CD163L1: variants seen among roughly 807,000 people sequenced by gnomAD.
CD163L1 encodes the protein CD163 molecule like 1.
Under a neutral mutation model 165.4 loss-of-function variants are expected in CD163L1, and 124 were observed. That is an observed-to-expected ratio of 0.75 (90% CI 0.65 to 0.87). The LOEUF is 0.87. Among genes scored for constraint, CD163L1 ranks in the 40% least tolerant of loss-of-function variants. The pLI, the probability that CD163L1 is intolerant of heterozygous loss-of-function variation, is 0.00. For missense variants in CD163L1, 1,525 were observed against 1,799.9 expected (o/e 0.85, Z 2.76); for synonymous variants, 585 against 662.2 (o/e 0.88, Z 1.79).
intron 4 of CD163L1, among the ~76,000 whole-genome samples, chr12:7,419,899 G>A (rs769243680): frequency 6.6e-6 from 1 of 152,094 alleles, no homozygotes; most frequent in Non-Finnish European, 1.5e-5. Context: ...AGCATGTATA[G>A]CCAAAGCAAG....
chr12:7,342,309 T>C (rs1327617155), downstream of CD163L1, among the ~76,000 whole-genome samples: 13 of 152,226 alleles, frequency 8.5e-5, no homozygotes, highest in East Asian at 2.5e-3. Flanking sequence ...AACAATAGCA[T>C]GAACATCTGT....
chr12:7,441,683 G>A (rs1948833123), intron 1 of CD163L1, among the ~76,000 whole-genome samples: 1 of 152,076 alleles, frequency 6.6e-6, no homozygotes, highest in African/African-American at 2.4e-5. Context: ...ACCCGATCTT[G>A]TGCTTCATTA....
intron 4 of CD163L1, among the ~76,000 whole-genome samples, chr12:7,429,060 T>C (rs1400130495): frequency 6.6e-6 from 1 of 152,072 alleles, no homozygotes; most frequent in African/African-American, 2.4e-5. Flanking sequence ...AAGATATGTG[T>C]AGCAAAGTTT....
chr12:7,382,032 G>A (rs1288307372), intron 8 of CD163L1, among the ~76,000 whole-genome samples: 1 of 147,278 alleles, frequency 6.8e-6, no homozygotes, highest in Non-Finnish European at 1.5e-5. Flanking sequence ...ATATAGAATT[G>A]TTTATATATA....
chr12:7,364,547 C>T (rs73059734), intron 18 of CD163L1, among the ~76,000 whole-genome samples: 5,133 of 152,164 alleles, frequency 0.034, 127 homozygotes, highest in Non-Finnish European at 0.044. Flanking sequence ...AATCTAAAGA[C>T]TCCACCAGAA....
In CD163L1 at chr12:7,373,484, T is replaced by C; in HGVS notation, c.3566A>G (p.Asn1189Ser). ...IVCRQLGCGENGVVSLAPLSK... is the reference protein window; with the variant it reads ...IVCRQLGCGESGVVSLAPLSK... Reference sequence around the variant, plus strand: ...TAAAGGGGCGAGGCTGACAACTCCATTCTCCCCACAGCCCAGCTGCCTGCA... The same window carrying C: ...TAAAGGGGCGAGGCTGACAACTCCACTCTCCCCACAGCCCAGCTGCCTGCA... The change falls in exon 14 of 20, where the codon AAT (asparagine) becomes AGT (serine). Residue 1189 changes from asparagine to serine, a missense_variant. Physicochemically the swap from Asn to Ser is conservative, Grantham distance 46. Coordinates refer to ENST00000313599, the MANE Select transcript of CD163L1 (RefSeq NM_174941.6). The C allele has an allele frequency of 1.2e-6, 2 of 1,614,216 alleles. No individual in the cohort carries two copies. The highest frequency in any genetic ancestry group is 1.7e-6 in the Non-Finnish European group (2 of 1,180,032).
chr12:7,441,169 G>A lies in CD163L1; in HGVS notation c.109C>T (p.Leu37Phe). The A allele has an allele frequency of 6.2e-7, 1 of 1,613,740 alleles. No homozygotes were observed. The highest frequency in any genetic ancestry group is 8.5e-7 in the Non-Finnish European group (1 of 1,179,670). ...TCILLLNSCF[L>F]ISSFNGTDLE... is the part of the protein sequence containing the mutation. ...CAGAACTCACTAAAACTGCTGATGA[G>A]AAAGCAGGAATTCAGGAGCAGGATG... The change falls in exon 2 of 20, where the codon CTC becomes TTC. Residue 37 changes from leucine (L) to phenylalanine (F), a missense_variant. Transcript: ENST00000313599.
At chr12:7,439,299 C>CT in intron 2 of CD163L1, 1 of 1,560,780 alleles carries the variant, frequency 6.4e-7, no homozygotes, top group Non-Finnish European at 8.7e-7. Context: ...TTATTTCACC[C>CT]TTTTTAACTT....
intron 11 of CD163L1, 78 bp downstream of exon 11, chr12:7,375,203 T>A: frequency 6.9e-7 from 1 of 1,442,746 alleles, no homozygotes; most frequent in East Asian, 2.3e-5. Context: ...TTCTTACTCA[T>A]CTTTCCTTTA....
chr12:7,384,171 TAAAA>T (rs143282690), intron 8 of CD163L1, among the ~76,000 whole-genome samples: 3 of 150,816 alleles, frequency 2.0e-5, no homozygotes, highest in African/African-American at 7.3e-5. Context: ...ATGAAAAACA[TAAAA>T]AAAATCAAAT....
Position 7,374,873 on chromosome 12 carries a change from A to G in CD163L1, c.3052T>C (p.Tyr1018His), listed in dbSNP as rs770783241. 1 of 1,614,192 alleles carries G rather than the reference A, an allele frequency of 6.2e-7. No homozygotes were observed. The highest frequency in any genetic ancestry group is 1.3e-5 in the African/African-American group (1 of 75,054). Residue 1018 changes from tyrosine to histidine, a missense_variant, in exon 12 of 20, where the codon TAT (tyrosine) becomes CAT (histidine). Coordinates refer to ENST00000313599, the MANE Select transcript of CD163L1 (RefSeq NM_174941.6). The surrounding 1 kb of genome is among the most constrained non-coding windows in gnomAD (Gnocchi z 5.4). Reference sequence around the variant, plus strand: ...CTGCCCTCTGGAACTGCAGACAAATATGGGTCAGATACATTTGCGAGGCAT... The same window carrying G: ...CTGCCCTCTGGAACTGCAGACAAATGTGGGTCAGATACATTTGCGAGGCAT... ...FPCLANVSDP[Y>H]LSAVPEGSAL...
the CD163L1 span, chr12:7,327,050 G>A: frequency 1.2e-6 from 2 of 1,611,724 alleles, no homozygotes; most frequent in Admixed American, 3.3e-5. Context: ...TTGAACTTCA[G>A]GATCATGTGA....
chr12:7,402,898 G>C (rs1947942202), intron 6 of CD163L1, among the ~76,000 whole-genome samples: 1 of 152,056 alleles, frequency 6.6e-6, no homozygotes, highest in South Asian at 2.1e-4. Flanking sequence ...CTCCCAAAGT[G>C]TTGGGGTTAC....
At position 7,395,579 on chromosome 12, in the gene CD163L1, A is replaced by G. The variant is rs575707844; in HGVS notation, c.2050+516T>C. Among the ~76,000 whole-genome samples the G allele has an allele frequency of 2.9e-3, 436 of 152,272 alleles. 2 individuals carry two copies. Among genetic ancestry groups the G allele is most frequent in the African/African-American group, 1.0e-2 (415 of 41,562 alleles). On this transcript the variant is annotated intron_variant, in intron 8 of 19. Coordinates refer to ENST00000313599, the MANE Select transcript of CD163L1 (RefSeq NM_174941.6). Reference sequence around the variant, plus strand: ...TGCATGTTGTGCACATGTACCCTAGAACTTAAAGTATAATAATAAAAAAAA... The same window carrying G: ...TGCATGTTGTGCACATGTACCCTAGGACTTAAAGTATAATAATAAAAAAAA...
At chr12:7,380,287 GT>G (rs1565783973) in intron 8 of CD163L1, among the ~76,000 whole-genome samples, 1 of 131,534 alleles carries the variant, frequency 7.6e-6, no homozygotes, top group Admixed American at 7.6e-5. Flanking sequence ...GTGTGTGTGT[GT>G]GTGTGTGTGT....
chr12:7,323,809 G>A, the CD163L1 span, among the ~76,000 whole-genome samples: 1 of 152,210 alleles, frequency 6.6e-6, no homozygotes, highest in Admixed American at 6.5e-5. Flanking sequence ...GGGGGTGCTA[G>A]AGGTAGAAGA....
intron 4 of CD163L1, among the ~76,000 whole-genome samples, chr12:7,414,299 T>C (rs1441323426): frequency 1.3e-5 from 2 of 152,020 alleles, no homozygotes; most frequent in African/African-American, 4.8e-5. Flanking sequence ...ACAGAAATTT[T>C]GGAGTAAAAA....
downstream of CD163L1, among the ~76,000 whole-genome samples, chr12:7,352,977 G>T (rs903668657): frequency 5.3e-5 from 8 of 152,080 alleles, no homozygotes. Context: ...ATGAAATCTA[G>T]CTCTGAGGAG....
chr12:7,362,584 TTAATA>T (rs1422397889), intron 18 of CD163L1, among the ~76,000 whole-genome samples: 5 of 144,362 alleles, frequency 3.5e-5, no homozygotes, highest in East Asian at 2.0e-4. Flanking sequence ...GCATATCATA[TTAATA>T]TAATATAAAT....
Sources: gnomAD v4.1 joint callset for allele counts (sites outside exome capture counted in the v4.1 genomes callset) on GRCh38, gnomAD v4.1.1 for gene constraint, Gnocchi (gnomAD v3.1) non-coding constraint, MANE v1.5 for transcripts, NCBI Gene and HGNC (gene_info 2026-07-23, HGNC 2026-07-21) for gene names.